CHRM3: variants seen among roughly 807,000 people sequenced by gnomAD.
CHRM3 encodes the protein muscarinic acetylcholine receptor M3.
In CHRM3, 11 loss-of-function variants were observed where a neutral mutation model predicts 41.8. The ratio of observed to expected loss-of-function variants is 0.26; its 90% CI spans 0.17 to 0.44. CHRM3 has a LOEUF of 0.44. Ranked by LOEUF, CHRM3 falls within the 20% of genes least tolerant of loss-of-function variation. The pLI is 1.00. For synonymous variants in CHRM3, 297 were observed against 301.4 expected, an observed-to-expected ratio of 0.99 and a Z score of 0.15; for missense variants, 571 against 745.4, an observed-to-expected ratio of 0.77 and a Z score of 2.72.
At position 239,845,214 on chromosome 1, in the gene CHRM3, T is replaced by C. The variant is rs139417701; in HGVS notation, c.-20+17836T>C. 3.7e-3 allele frequency among the ~76,000 whole-genome samples: 558 copies of C among 152,286 alleles called. 2 individuals are homozygous for C. Among genetic ancestry groups the C allele is most frequent in the South Asian group, 7.0e-3 (34 of 4,826 alleles). On this transcript the variant is annotated intron_variant, in intron 6 of 6. Transcript: ENST00000676153. The stretch of plus-strand genomic sequence containing the variant: ...CTAGAAAACTGAGGAAATGCTTCCT[T>C]TCTGAGGTGTTCAGGGACTTTATAT...
chr1:239,472,305 T>C (rs1420788830), intron 1 of CHRM3, among the ~76,000 whole-genome samples: 1 of 152,202 alleles, frequency 6.6e-6, no homozygotes, highest in African/African-American at 2.4e-5. Context: ...AATGATTTCA[T>C]TTTTCTTATA....
At chr1:239,860,498 G>T (rs1215025953) in intron 6 of CHRM3, among the ~76,000 whole-genome samples, 1 of 152,170 alleles carries the variant, frequency 6.6e-6, no homozygotes, top group Non-Finnish European at 1.5e-5. Flanking sequence ...GACCAGAAGA[G>T]TTTCAGGTTT....
intron 3 of CHRM3, among the ~76,000 whole-genome samples, chr1:239,604,938 GTTTTAT>G (rs1666054437): frequency 2.0e-5 from 3 of 152,030 alleles, no homozygotes; most frequent in Admixed American, 6.6e-5. Context: ...GGGTTCATTT[GTTTTAT>G]TTTTATTTAT....
At position 239,709,471 on chromosome 1, in the gene CHRM3, G is replaced by A. The variant is rs554497875; in HGVS notation, c.-147+31183G>A. Among the ~76,000 whole-genome samples the A allele has an allele frequency of 3.6e-4, 55 of 152,136 alleles. 1 individual carries two copies. The highest frequency in any genetic ancestry group is 6.8e-3 in the Middle Eastern group (2 of 294). On this transcript the variant is annotated intron_variant, in intron 5 of 6. Coordinates refer to ENST00000676153, the MANE Select transcript of CHRM3 (RefSeq NM_001375978.1). ...ACCTTATAAATTTAGCTGCCATTTT[G>A]TGCCCACCAGTAGAATAAAGTTCCT...
rs1172847912 is a variant in CHRM3, at chr1:239,387,402, T to C, written c.-521+175T>C. Reference sequence around the variant, plus strand: ...GGGTAGGGACGAGAGAGGCTGTTGATTTGGGGAAGATGGGGGCACTTGAAT... The same window carrying C: ...GGGTAGGGACGAGAGAGGCTGTTGACTTGGGGAAGATGGGGGCACTTGAAT... On this transcript the variant is annotated intron_variant, in intron 1 of 6. Transcript: ENST00000676153. This position sits in a 1 kb window ranked among gnomAD's most constrained non-coding sequence, Gnocchi z 5.1. 6.6e-6 allele frequency among the ~76,000 whole-genome samples: 1 copy of C among 151,756 alleles called. No individual in the cohort carries two copies. The highest frequency in any genetic ancestry group is 1.5e-5 in the Non-Finnish European group (1 of 67,922).
chr1:239,615,210 C>T (rs1667501029), intron 3 of CHRM3, among the ~76,000 whole-genome samples: 1 of 152,166 alleles, frequency 6.6e-6, no homozygotes, highest in African/African-American at 2.4e-5. Flanking sequence ...TTGCTATACA[C>T]TTTATGTATG....
chr1:239,884,204 T>G (rs1232195514), intron 6 of CHRM3, among the ~76,000 whole-genome samples: 3 of 152,162 alleles, frequency 2.0e-5, no homozygotes, highest in Non-Finnish European at 4.4e-5. Context: ...TTAAGGAGCT[T>G]GAGAGGAAGA....
chr1:239,455,322 A>G (rs1422708645), intron 1 of CHRM3, among the ~76,000 whole-genome samples: 1 of 151,592 alleles, frequency 6.6e-6, no homozygotes, highest in Non-Finnish European at 1.5e-5. Flanking sequence ...AAGTGCTGGG[A>G]TTACAGACCT....
intron 2 of CHRM3, among the ~76,000 whole-genome samples, chr1:239,530,416 C>T (rs1203306348): frequency 2.0e-5 from 3 of 152,230 alleles, no homozygotes; most frequent in Non-Finnish European, 4.4e-5. Flanking sequence ...CTGCTCCAAG[C>T]AGTGTGTCTG....
intron 5 of CHRM3, among the ~76,000 whole-genome samples, chr1:239,763,890 G>A (rs1370525332): frequency 6.6e-6 from 1 of 151,670 alleles, no homozygotes; most frequent in African/African-American, 2.4e-5. Context: ...GAGGCCAGGA[G>A]TTTGACACAA....
chr1:239,667,580 C>A (rs956018766), intron 4 of CHRM3, among the ~76,000 whole-genome samples: 3 of 152,184 alleles, frequency 2.0e-5, no homozygotes, highest in African/African-American at 7.2e-5. Context: ...AAAATTTAGA[C>A]TCCACGAAGA....
chr1:239,446,539 A>G lies in CHRM3; in HGVS notation c.-520-46170A>G, dbSNP rs997285708. On this transcript the variant is annotated intron_variant, in intron 1 of 6. Transcript: ENST00000676153. ...AAAACACTACAACTTAGAAATGCAA[A>G]TTAAATCCATCATGAGCTACCTTTT... Among the ~76,000 whole-genome samples, 16 of 152,344 alleles carry G rather than the reference A, an allele frequency of 1.1e-4. No individual in the cohort carries two copies. The South Asian group carries it at 1.2e-3, about 12-fold the overall frequency.
rs961910547 is a variant in CHRM3, at chr1:239,642,142, G to C, written c.-250+9856G>C. On this transcript the variant is annotated intron_variant, in intron 4 of 6. Transcript: ENST00000676153. ...GTTTCTGCCGAGAGACCCTCTGTTA[G>C]TCTGATGGGCTTCCCTTTGTGGGTA... 3.3e-4 allele frequency among the ~76,000 whole-genome samples: 43 copies of C among 131,778 alleles called. 2 individuals carry two copies. Among genetic ancestry groups the C allele is most frequent in the African/African-American group, 1.3e-3 (43 of 33,346 alleles). 86.5% of individuals were successfully genotyped at this position (131,778 alleles called of 152,430 possible). A position where few individuals can be genotyped will look rare whatever the true frequency, so the allele number is the denominator to read the frequency against.
chr1:239,455,758 C>T (rs1263001082), intron 1 of CHRM3, among the ~76,000 whole-genome samples: 3 of 151,934 alleles, frequency 2.0e-5, no homozygotes, highest in Admixed American at 2.0e-4. Flanking sequence ...TTACAATAAG[C>T]TAAGGTTAAT....
chr1:239,555,164 G>A (rs1328386251), intron 3 of CHRM3, among the ~76,000 whole-genome samples: 2 of 152,110 alleles, frequency 1.3e-5, no homozygotes, highest in South Asian at 2.1e-4. Context: ...GGGATGATGG[G>A]GGCCAGAAAA....
chr1:239,644,130 A>G (rs1316552725), intron 4 of CHRM3, among the ~76,000 whole-genome samples: 3 of 152,236 alleles, frequency 2.0e-5, no homozygotes, highest in Non-Finnish European at 4.4e-5. Context: ...ACCTTTTAGT[A>G]TCAAGTATCT....
chr1:239,531,046 A>G (rs1242158826), intron 2 of CHRM3, among the ~76,000 whole-genome samples: 1 of 152,190 alleles, frequency 6.6e-6, no homozygotes, highest in Non-Finnish European at 1.5e-5. Flanking sequence ...AACTGCTGAA[A>G]GATAAAAGAC....
intron 5 of CHRM3, among the ~76,000 whole-genome samples, chr1:239,688,086 T>C (rs548399112): frequency 6.6e-6 from 1 of 151,876 alleles, no homozygotes; most frequent in Admixed American, 6.6e-5. Context: ...CTGAAAAAAA[T>C]TGGGAGTTTT....
intron 3 of CHRM3, among the ~76,000 whole-genome samples, chr1:239,586,138 A>G (rs780975719): frequency 2.0e-5 from 3 of 152,212 alleles, no homozygotes; most frequent in Non-Finnish European, 4.4e-5. Context: ...AACCTCTGAC[A>G]TCTGTGAATT....
Sources: gnomAD v4.1 joint callset for allele counts (sites outside exome capture counted in the v4.1 genomes callset) on GRCh38, gnomAD v4.1.1 for gene constraint, Gnocchi (gnomAD v3.1) non-coding constraint, MANE v1.5 for transcripts, NCBI Gene and HGNC (gene_info 2026-07-23, HGNC 2026-07-21) for gene names.